Variants in CFAP54 observed in about 807,000 individuals in gnomAD.
The protein encoded by CFAP54 is cilia- and flagella-associated protein 54.
CFAP54 carries 290 observed loss-of-function variants against 370.4 expected under a neutral mutation model. That is an observed-to-expected ratio of 0.78 (90% CI 0.71 to 0.86). The LOEUF is 0.86. Ranked by LOEUF, CFAP54 falls within the 40% of genes least tolerant of loss-of-function variation. The pLI, the probability that CFAP54 is intolerant of heterozygous loss-of-function variation, is 0.00. For missense variants in CFAP54, 3,399 were observed against 3,528.7 expected, an observed-to-expected ratio of 0.96 and a Z score of 0.93; for synonymous variants, 1,206 against 1,236.5, an observed-to-expected ratio of 0.98 and a Z score of 0.52.
chr12:96,700,204 C>T, intron 46 of CFAP54, 111 bp downstream of exon 46: 1 of 1,235,700 alleles, frequency 8.1e-7, no homozygotes, highest in Non-Finnish European at 1.1e-6. Flanking sequence ...TATTTTAGCC[C>T]TCTTTGTTAA....
chr12:96,657,776 A>G, intron 36 of CFAP54, 106 bp from the exon 37 acceptor site: 2 of 817,604 alleles, frequency 2.4e-6, no homozygotes, highest in South Asian at 1.7e-5. Context: ...TTTTCTTTTC[A>G]GTTGAGTTCT....
intron 61 of CFAP54, among the ~76,000 whole-genome samples, chr12:96,786,471 G>A (rs1045276086): frequency 2.0e-5 from 3 of 152,056 alleles, no homozygotes; most frequent in African/African-American, 7.2e-5. Context: ...ATAAGCCACC[G>A]CGCCTGGCCT....
chr12:96,659,808 C>A (rs1422764917), intron 38 of CFAP54, among the ~76,000 whole-genome samples: 1 of 152,224 alleles, frequency 6.6e-6, no homozygotes, highest in Non-Finnish European at 1.5e-5. Flanking sequence ...CCAGCCCCTC[C>A]TTGCCACACC....
At chr12:96,813,168 T>C (rs1958943637) in intron 64 of CFAP54, among the ~76,000 whole-genome samples, 1 of 152,220 alleles carries the variant, frequency 6.6e-6, no homozygotes, top group South Asian at 2.1e-4. Flanking sequence ...AAGCTTCTTT[T>C]TTTTATTCCA....
At chr12:96,783,583 C>A (rs1320744198) in intron 60 of CFAP54, among the ~76,000 whole-genome samples, 1 of 152,132 alleles carries the variant, frequency 6.6e-6, no homozygotes, top group African/African-American at 2.4e-5. Flanking sequence ...TCTTATAATG[C>A]CCATTTTAAA....
chr12:96,700,182 T>G, intron 46 of CFAP54, 89 bp downstream of exon 46: 1 of 1,376,796 alleles, frequency 7.3e-7, no homozygotes, highest in Non-Finnish European at 1.0e-6. Flanking sequence ...AAAGTGTATT[T>G]ACAATCTCTG....
At chr12:96,826,564 T>TTTATATATAATATATA (rs1959107754) in intron 65 of CFAP54, among the ~76,000 whole-genome samples, 1 of 46,626 alleles carries the variant, frequency 2.1e-5, no homozygotes, top group Non-Finnish European at 4.3e-5. Context: ...TAATATATAA[T>TTTATATATAATATATA]ATATAATATA....
At chr12:96,871,803 A>T (rs1960175764) in intron 67 of CFAP54, among the ~76,000 whole-genome samples, 3 of 152,220 alleles carry the variant, frequency 2.0e-5, no homozygotes, top group Admixed American at 1.3e-4. Flanking sequence ...GTGCTACAGA[A>T]TTTTTTTTAA....
At chr12:96,525,985 CT>C (rs1397161828) in intron 8 of CFAP54, among the ~76,000 whole-genome samples, 1 of 152,178 alleles carries the variant, frequency 6.6e-6, no homozygotes, top group Non-Finnish European at 1.5e-5. Flanking sequence ...CACCCAGCCC[CT>C]TGTTGAAATT....
chr12:96,859,085 A>G (rs1263892714), intron 66 of CFAP54, among the ~76,000 whole-genome samples: 5 of 152,132 alleles, frequency 3.3e-5, no homozygotes, highest in Non-Finnish European at 7.4e-5. Context: ...AGAATAGAGA[A>G]CCCAGAAATG....
chr12:96,708,766 T>A lies in CFAP54; in HGVS notation c.6687T>A (p.Ile2229=). 2.5e-6 allele frequency: 4 copies of A among 1,608,446 alleles called. No individual in the cohort carries two copies. Among genetic ancestry groups the A allele is most frequent in the Non-Finnish European group, 3.4e-6 (4 of 1,177,848 alleles). Reference sequence around the variant, plus strand: ...CAGAAAATAAATTTAAGACAGTAATTACCAACAAGAGCAAACCAAACCTAC... The same window carrying A: ...CAGAAAATAAATTTAAGACAGTAATAACCAACAAGAGCAAACCAAACCTAC... ...CVPENKFKTV[I]TNKSKPNLPN... The change falls in exon 48 of 68, where the codon ATT becomes ATA. Residue 2229 remains isoleucine, a synonymous_variant. Transcript: ENST00000524981.
intron 17 of CFAP54, among the ~76,000 whole-genome samples, chr12:96,557,951 G>T (rs1327266576): frequency 6.6e-6 from 1 of 152,078 alleles, no homozygotes; most frequent in Non-Finnish European, 1.5e-5. Flanking sequence ...AAGACATTAT[G>T]TATAACTCAT....
intron 48 of CFAP54, among the ~76,000 whole-genome samples, chr12:96,717,554 A>G (rs1354033134): frequency 1.3e-5 from 2 of 152,242 alleles, no homozygotes; most frequent in Non-Finnish European, 2.9e-5. Flanking sequence ...CCCACAGTCT[A>G]GAAGCCCAGT....
chr12:96,614,969 C>A (rs1956399441), intron 26 of CFAP54, among the ~76,000 whole-genome samples: 1 of 152,296 alleles, frequency 6.6e-6, no homozygotes, highest in African/African-American at 2.4e-5. Flanking sequence ...CCATCCCCAT[C>A]AAGCTACCAA....
intron 50 of CFAP54, among the ~76,000 whole-genome samples, chr12:96,737,272 A>G (rs1331848968): frequency 6.6e-6 from 1 of 152,232 alleles, no homozygotes; most frequent in Admixed American, 6.5e-5. Flanking sequence ...ACTTGTATCT[A>G]TAACCTTGTA....
chr12:96,490,055 A>T, intron 1 of CFAP54, 129 bp downstream of exon 1: 2 of 802,146 alleles, frequency 2.5e-6, no homozygotes, highest in Non-Finnish European at 3.8e-6. Flanking sequence ...TGAAGGGCCC[A>T]GGAGAGACAA....
intron 38 of CFAP54, 33 bp from the exon 39 acceptor site, chr12:96,663,797 G>A (rs770990109): frequency 1.8e-5 from 27 of 1,485,824 alleles, no homozygotes; most frequent in Non-Finnish European, 2.3e-5. Context: ...ATAAATACCC[G>A]ACTAATATTT....
chr12:96,744,489 GA>G (rs566207428), intron 55 of CFAP54, among the ~76,000 whole-genome samples: 2 of 151,872 alleles, frequency 1.3e-5, no homozygotes, highest in Non-Finnish European at 2.9e-5. Context: ...TAACTTTACT[GA>G]AAAAAATCCT....
chr12:96,570,186 A>G (rs546211844), intron 19 of CFAP54, among the ~76,000 whole-genome samples: 224 of 152,062 alleles, frequency 1.5e-3, no homozygotes, highest in African/African-American at 5.3e-3. Flanking sequence ...GTTGCCCAGC[A>G]TGGTCTCGAA....
Sources: gnomAD v4.1 joint callset for allele counts (sites outside exome capture counted in the v4.1 genomes callset) on GRCh38, gnomAD v4.1.1 for gene constraint, MANE v1.5 for transcripts, NCBI Gene and HGNC (gene_info 2026-07-23, HGNC 2026-07-21) for gene names.